Variants in TANC1 observed in about 807,000 individuals in gnomAD.
TANC1 encodes tetratricopeptide repeat, ankyrin repeat and coiled-coil containing 1, also known as protein TANC1.
A neutral mutation model predicts 149.7 loss-of-function variants in TANC1; 77 were observed. The ratio of observed to expected loss-of-function variants is 0.51; its 90% CI spans 0.43 to 0.62. TANC1 has a LOEUF of 0.62. Ranked by LOEUF, TANC1 falls within the 20% of genes least tolerant of loss-of-function variation. The pLI is 0.00. For missense variants in TANC1, 1,985 were observed against 2,321.8 expected (o/e 0.85, Z 2.98); for synonymous variants, 854 against 925.0 (o/e 0.92, Z 1.39).
At chr2:158,992,834 C>A (rs527754532) in intron 1 of TANC1, among the ~76,000 whole-genome samples, 1 of 152,176 alleles carries the variant, frequency 6.6e-6, no homozygotes, top group East Asian at 1.9e-4. Context: ...TAATATATTT[C>A]ATGCATTTCC....
rs767521931 is a variant in TANC1, at chr2:159,227,723, AG to A, written c.3904-90del. The stretch of plus-strand genomic sequence containing the variant: ...TTTCAATGTTCTGTCGTGGGTTTGC[AG>A]GGGGGAGTAAACTCCCCACGGTGTT... On this transcript the variant is annotated intron_variant, in intron 24 of 26. Transcript: ENST00000263635. 20 of 1,338,842 alleles carry A rather than the reference AG, an allele frequency of 1.5e-5. No homozygotes were observed. The East Asian group carries it at 3.4e-4, about 22-fold the overall frequency. 82.9% of individuals were successfully genotyped at this position (1,338,842 alleles called of 1,614,324 possible).
At chr2:159,115,452 T>C (rs2048153322) in intron 4 of TANC1, among the ~76,000 whole-genome samples, 1 of 152,100 alleles carries the variant, frequency 6.6e-6, no homozygotes, top group Admixed American at 6.5e-5. Flanking sequence ...AAAAAGAATC[T>C]TTAGGTTGTG....
chr2:159,136,107 G>A, intron 4 of TANC1, 87 bp from the exon 5 acceptor site: 1 of 712,410 alleles, frequency 1.4e-6, no homozygotes, highest in Non-Finnish European at 2.5e-6. Context: ...GGCATATTTG[G>A]GTCCTGGTAA....
chr2:159,036,304 A>G (rs946628082), intron 2 of TANC1, among the ~76,000 whole-genome samples: 6 of 152,322 alleles, frequency 3.9e-5, no homozygotes, highest in Middle Eastern at 3.4e-3. Context: ...TAGGGTGCTT[A>G]GAAGCTCTTG....
chr2:159,130,189 TG>T (rs1190033677), intron 4 of TANC1, among the ~76,000 whole-genome samples: 1 of 152,226 alleles, frequency 6.6e-6, no homozygotes, highest in Non-Finnish European at 1.5e-5. Flanking sequence ...AGTCTTGTTT[TG>T]TTTTTAAGAG....
At chr2:159,077,896 G>GT (rs1438204359) in intron 3 of TANC1, among the ~76,000 whole-genome samples, 5 of 152,108 alleles carry the variant, frequency 3.3e-5, no homozygotes, top group African/African-American at 1.2e-4. Flanking sequence ...TTGAAAGGTG[G>GT]TAAGTTTACA....
At chr2:159,167,936 TG>T (rs2054774982) in intron 8 of TANC1, among the ~76,000 whole-genome samples, 1 of 152,160 alleles carries the variant, frequency 6.6e-6, no homozygotes. Flanking sequence ...AGAAGACAGA[TG>T]GCCCAACTCG....
intron 1 of TANC1, among the ~76,000 whole-genome samples, chr2:158,985,600 G>T (rs931985602): frequency 2.6e-5 from 4 of 152,044 alleles, no homozygotes; most frequent in African/African-American, 7.2e-5. Flanking sequence ...AAAGCAGAGG[G>T]GATTTCCTTA....
intron 2 of TANC1, chr2:159,056,351 G>A (rs902284302): frequency 1.9e-5 from 3 of 153,894 alleles, no homozygotes; most frequent in East Asian, 1.9e-4. Context: ...TTGCTCTGTC[G>A]CCCAGGCTGG....
chr2:159,031,823 C>T (rs1476675757), intron 2 of TANC1, among the ~76,000 whole-genome samples: 1 of 152,180 alleles, frequency 6.6e-6, no homozygotes, highest in African/African-American at 2.4e-5. Flanking sequence ...TTCACATGGG[C>T]ATGCATAACA....
intron 14 of TANC1, among the ~76,000 whole-genome samples, chr2:159,184,647 C>T (rs1287714432): frequency 1.3e-5 from 2 of 152,130 alleles, no homozygotes; most frequent in Non-Finnish European, 1.5e-5. Context: ...CTGGGGAGGC[C>T]TTGGGGGCCT....
chr2:159,130,135 C>T (rs1183648854), intron 4 of TANC1, among the ~76,000 whole-genome samples: 5 of 152,030 alleles, frequency 3.3e-5, no homozygotes, highest in Non-Finnish European at 4.4e-5. Context: ...TCCTTGTTCT[C>T]GTTGTTGTTG....
intron 4 of TANC1, among the ~76,000 whole-genome samples, chr2:159,108,895 A>G (rs746519060): frequency 5.9e-5 from 9 of 152,238 alleles, no homozygotes; most frequent in Non-Finnish European, 1.2e-4. Context: ...CACTGAAACC[A>G]GAAAGCCTTG....
intron 4 of TANC1, among the ~76,000 whole-genome samples, chr2:159,131,383 G>C (rs1392525800): frequency 6.6e-6 from 1 of 152,078 alleles, no homozygotes; most frequent in Non-Finnish European, 1.5e-5. Flanking sequence ...TCTGGGATTG[G>C]GGGGTCTCAC....
At chr2:158,987,149 G>T (rs1334439036) in intron 1 of TANC1, among the ~76,000 whole-genome samples, 1 of 150,848 alleles carries the variant, frequency 6.6e-6, no homozygotes, top group African/African-American at 2.4e-5. Flanking sequence ...AAGAGTCGGA[G>T]GCTGCAGTGA....
intron 2 of TANC1, among the ~76,000 whole-genome samples, chr2:159,023,051 A>G (rs750588236): frequency 3.9e-5 from 6 of 152,212 alleles, no homozygotes; most frequent in Non-Finnish European, 7.4e-5. Flanking sequence ...TAAGGATTAC[A>G]TAATGGGATG....
In TANC1 at chr2:159,126,919, C is replaced by A. The variant is rs186622212; in HGVS notation, c.260-9275C>A. Reference sequence around the variant, plus strand: ...TAAATAAAATGAATTAATGCATTTCCATGCTTTCATATATAACAATTTTAG... The same window carrying A: ...TAAATAAAATGAATTAATGCATTTCAATGCTTTCATATATAACAATTTTAG... On this transcript the variant is annotated intron_variant, in intron 4 of 26. Coordinates refer to ENST00000263635, the MANE Select transcript of TANC1 (RefSeq NM_033394.3). Among the ~76,000 whole-genome samples, 227 of 152,272 alleles carry A rather than the reference C, an allele frequency of 1.5e-3. 1 individual carries two copies. The highest frequency in any genetic ancestry group is 3.9e-3 in the Admixed American group (60 of 15,294).
chr2:159,079,751 C>T (rs2044069521), intron 3 of TANC1, among the ~76,000 whole-genome samples: 1 of 152,130 alleles, frequency 6.6e-6, no homozygotes, highest in Non-Finnish European at 1.5e-5. Flanking sequence ...CCAGTGCCCG[C>T]AATAACAGTT....
At chr2:159,012,305 T>A (rs967493544) in intron 2 of TANC1, among the ~76,000 whole-genome samples, 2 of 152,240 alleles carry the variant, frequency 1.3e-5, no homozygotes, top group Non-Finnish European at 2.9e-5. Flanking sequence ...GAAGTCAAAG[T>A]AAAATATTCT....
Sources: allele counts gnomAD v4.1 joint callset (sites outside exome capture counted in the v4.1 genomes callset), GRCh38; gene constraint gnomAD v4.1.1; transcripts MANE v1.5; gene names NCBI Gene and HGNC (gene_info 2026-07-23, HGNC 2026-07-21).